SLC4A5: variants seen among roughly 807,000 people sequenced by gnomAD.
The protein encoded by SLC4A5 is electrogenic sodium bicarbonate cotransporter 4.
In SLC4A5, 96 loss-of-function variants were observed where a neutral mutation model predicts 120.4. The ratio of observed to expected loss-of-function variants is 0.80; its 90% confidence interval spans 0.68 to 0.94. The LOEUF (loss-of-function observed/expected upper bound fraction) is 0.94, where lower values mean the gene tolerates loss of function less well. Ranked by LOEUF, SLC4A5 falls within the 40% of genes least tolerant of loss-of-function variation. SLC4A5 has a pLI of 0.00. For synonymous variants in SLC4A5, 550 were observed against 571.1 expected, an observed-to-expected ratio of 0.96 and a Z score of 0.53; for missense variants, 1,259 against 1,459.5, an observed-to-expected ratio of 0.86 and a Z score of 2.24.
intron 18 of SLC4A5, among the ~76,000 whole-genome samples, 188 bp downstream of exon 18, chr2:74,248,165 T>C (rs760617995): frequency 6.6e-6 from 1 of 152,198 alleles, no homozygotes; most frequent in Non-Finnish European, 1.5e-5. Context: ...CAATATGCAC[T>C]AAGATGTCTT....
chr2:74,246,145 A>G (rs1670603930), intron 19 of SLC4A5, among the ~76,000 whole-genome samples: 1 of 152,220 alleles, frequency 6.6e-6, no homozygotes, highest in South Asian at 2.1e-4. Context: ...ATGCTATGGG[A>G]AGCCCTAATT....
chr2:74,235,680 G>C (rs919222784), intron 21 of SLC4A5, among the ~76,000 whole-genome samples: 2 of 152,180 alleles, frequency 1.3e-5, no homozygotes, highest in African/African-American at 4.8e-5. Flanking sequence ...CCTGGGCTAG[G>C]AGGGAGGCTC....
In SLC4A5 at chr2:74,255,917, T is replaced by G. The variant is rs1670951183; in HGVS notation, c.883A>C (p.Met295Leu). ...TCTGAGTCCTTGGGGATCTTCTTCA[T>G]GAATTTGTTTTTCCGCTGGACAGGG... The change falls in exon 13 of 31, where the codon ATG becomes CTG. Residue 295 changes from methionine (M) to leucine (L), a missense_variant. Physicochemically the swap from Met to Leu is conservative, Grantham distance 15. Transcript: ENST00000394019. This position sits in a 1 kb window ranked among gnomAD's most constrained non-coding sequence, Gnocchi z 4.0. The G allele has an allele frequency of 6.2e-7, 1 of 1,613,778 alleles. No homozygotes were observed. The highest frequency in any genetic ancestry group is 8.5e-7 in the Non-Finnish European group (1 of 1,179,686).
chr2:74,282,215 A>T (rs1291209415), intron 8 of SLC4A5, among the ~76,000 whole-genome samples: 1 of 152,120 alleles, frequency 6.6e-6, no homozygotes, highest in Non-Finnish European at 1.5e-5. Context: ...TGACTTCACT[A>T]GGGGCTTGCT....
intron 3 of SLC4A5, among the ~76,000 whole-genome samples, chr2:74,337,294 C>T (rs1673516313): frequency 6.6e-6 from 1 of 152,082 alleles, no homozygotes; most frequent in Admixed American, 6.6e-5. Context: ...AGACTTTGAC[C>T]TCCACAATAA....
chr2:74,318,488 C>T (rs1180159748), intron 5 of SLC4A5, among the ~76,000 whole-genome samples: 2 of 152,080 alleles, frequency 1.3e-5, no homozygotes, highest in Non-Finnish European at 1.5e-5. Flanking sequence ...GAGTTCAAGA[C>T]CAGCTTGGCT....
At chr2:74,272,603 C>T (rs1229903672) in intron 8 of SLC4A5, among the ~76,000 whole-genome samples, 1 of 152,158 alleles carries the variant, frequency 6.6e-6, no homozygotes, top group Non-Finnish European at 1.5e-5. Flanking sequence ...TGGGTGTAGA[C>T]CCCCAACTCT....
chr2:74,277,168 G>A (rs1016026737), intron 8 of SLC4A5, among the ~76,000 whole-genome samples: 5 of 152,140 alleles, frequency 3.3e-5, no homozygotes, highest in Non-Finnish European at 7.4e-5. Flanking sequence ...CTTGGGCATC[G>A]CAAACAGTCC....
intron 5 of SLC4A5, among the ~76,000 whole-genome samples, chr2:74,320,348 C>T (rs1342285170): frequency 6.6e-6 from 1 of 152,118 alleles, no homozygotes; most frequent in Non-Finnish European, 1.5e-5. Flanking sequence ...CACTCCAAGT[C>T]ACATCATTAT....
Position 74,341,634 on chromosome 2 carries a change from T to C in SLC4A5, c.-270+824A>G, listed in dbSNP as rs533181183. 3.3e-5 allele frequency among the ~76,000 whole-genome samples: 5 copies of C among 152,328 alleles called. No homozygotes were observed. In the South Asian group the frequency reaches 1.0e-3, roughly 32 times the overall value. On this transcript the variant is annotated intron_variant, in intron 2 of 30. Transcript: ENST00000394019. ...CACATCAGGCAGCCCATGCCATTACTGTGCTCACACTGTGCCCGACACAGA... is the reference window on the plus strand; with the variant it reads ...CACATCAGGCAGCCCATGCCATTACCGTGCTCACACTGTGCCCGACACAGA...
intron 5 of SLC4A5, among the ~76,000 whole-genome samples, chr2:74,320,579 G>C (rs1673070567): frequency 6.6e-6 from 1 of 152,060 alleles, no homozygotes; most frequent in Non-Finnish European, 1.5e-5. Context: ...GGTAGAATAG[G>C]GGCATTTTCA....
chr2:74,240,336 T>C (rs889708228), intron 20 of SLC4A5, among the ~76,000 whole-genome samples: 3 of 152,212 alleles, frequency 2.0e-5, no homozygotes, highest in Non-Finnish European at 2.9e-5. Flanking sequence ...GCCTTCAAGA[T>C]TGATGTACAC....
intron 7 of SLC4A5, among the ~76,000 whole-genome samples, chr2:74,287,467 G>T (rs963463207): frequency 3.9e-5 from 6 of 152,146 alleles, no homozygotes; most frequent in Admixed American, 3.9e-4. Flanking sequence ...AATACAACAG[G>T]TAAGAGAATG....
At chr2:74,254,813 A>T in intron 13 of SLC4A5, 107 bp from the exon 14 acceptor site, 3 of 780,748 alleles carry the variant, frequency 3.8e-6, no homozygotes, top group East Asian at 2.6e-5. Flanking sequence ...CCTGAACAGT[A>T]TGCATTTTTT....
chr2:74,235,232 G>C lies in SLC4A5; in HGVS notation c.2320-18C>G, dbSNP rs749550689. On this transcript the variant is annotated intron_variant, in intron 21 of 30. Transcript: ENST00000394019. ...GCCCGGACCTGCAGACAGGAGATGA[G>C]CAAGTAAAAGAAGTGAGTAAAGCAC... is the stretch of plus-strand genomic sequence containing the variant. 3.1e-6 allele frequency: 5 copies of C among 1,602,160 alleles called. No individual in the cohort carries two copies. Among genetic ancestry groups the C allele is most frequent in the Non-Finnish European group, 4.3e-6 (5 of 1,170,660 alleles).
chr2:74,259,985 C>T (rs897071497), intron 11 of SLC4A5, among the ~76,000 whole-genome samples: 6 of 152,130 alleles, frequency 3.9e-5, no homozygotes, highest in South Asian at 2.1e-4. Flanking sequence ...GGGACACAGA[C>T]GCATTATTAG....
rs780933961 is a variant in SLC4A5, at chr2:74,265,271, G to A, written c.402-7C>T. On this transcript the variant is annotated splice_polypyrimidine_tract_variant and splice_region_variant and intron_variant, in intron 8 of 30. Coordinates refer to ENST00000394019, the Ensembl canonical transcript of SLC4A5. ...TTCTTCAAACTTTATCCACCTGGAA[G>A]GGTAAGGATGGGGCTCAGTGTGGCC... 5 of 1,613,196 alleles carry A rather than the reference G, an allele frequency of 3.1e-6. No individual in the cohort carries two copies. The highest frequency in any genetic ancestry group is 4.2e-6 in the Non-Finnish European group (5 of 1,179,448).
At chr2:74,284,823 T>C (rs1671930765) in intron 8 of SLC4A5, among the ~76,000 whole-genome samples, 1 of 152,150 alleles carries the variant, frequency 6.6e-6, no homozygotes, top group South Asian at 2.1e-4. Flanking sequence ...CTGCTCTCCG[T>C]ATATATGGAG....
intron 7 of SLC4A5, among the ~76,000 whole-genome samples, chr2:74,301,900 T>C (rs1672484585): frequency 6.6e-6 from 1 of 152,182 alleles, no homozygotes; most frequent in South Asian, 2.1e-4. Context: ...CTGGAATGTA[T>C]TCTCAGGGGT....
Sources: allele counts gnomAD v4.1 joint callset (sites outside exome capture counted in the v4.1 genomes callset), GRCh38; gene constraint gnomAD v4.1.1; non-coding constraint Gnocchi (gnomAD v3.1); transcripts MANE v1.5; gene names NCBI Gene and HGNC (gene_info 2026-07-23, HGNC 2026-07-21).